The following RSRC1 variants were observed in gnomAD, a reference collection of about 807,000 sequenced individuals.
RSRC1 encodes arginine and serine rich coiled-coil 1.
In RSRC1, 39 loss-of-function variants were observed where a neutral mutation model predicts 49.1. That is an observed-to-expected ratio of 0.79 (90% CI 0.61 to 1.04). RSRC1 has a LOEUF of 1.04. Ranked by LOEUF, RSRC1 falls within the 50% of genes least tolerant of loss-of-function variation. The probability of loss-of-function intolerance (pLI) is 0.00; values close to 1 mark genes in which losing one functional copy is unlikely to be tolerated. For missense variants in RSRC1, 388 were observed against 402.4 expected, an observed-to-expected ratio of 0.96 and a Z score of 0.31; for synonymous variants, 143 against 130.8, an observed-to-expected ratio of 1.09 and a Z score of -0.63.
intron 3 of RSRC1, among the ~76,000 whole-genome samples, chr3:158,190,557 G>GT (rs920011660): frequency 2.7e-5 from 4 of 147,404 alleles, no homozygotes; most frequent in South Asian, 2.1e-4. Context: ...AAATAAATTG[G>GT]TTTTTTTTCC....
intron 6 of RSRC1, among the ~76,000 whole-genome samples, chr3:158,358,325 T>C (rs574336283): frequency 6.6e-6 from 1 of 152,328 alleles, no homozygotes; most frequent in East Asian, 1.9e-4. Context: ...GTAATTTTTT[T>C]GTATTTATCC....
chr3:158,224,899 G>A (rs906680849), intron 4 of RSRC1, among the ~76,000 whole-genome samples: 1 of 151,754 alleles, frequency 6.6e-6, no homozygotes, highest in African/African-American at 2.4e-5. Flanking sequence ...AAGAACAAAG[G>A]ATATTTTCTA....
intron 5 of RSRC1, among the ~76,000 whole-genome samples, chr3:158,348,089 C>G (rs1391193763): frequency 6.6e-6 from 1 of 152,088 alleles, no homozygotes. Context: ...CATTGCACAT[C>G]TAATTTTGTT....
intron 4 of RSRC1, among the ~76,000 whole-genome samples, chr3:158,203,870 G>A (rs1379064953): frequency 2.0e-5 from 3 of 152,130 alleles, no homozygotes; most frequent in African/African-American, 7.2e-5. Context: ...GACAGAACTT[G>A]AAATCCACTC....
chr3:158,427,630 A>G (rs1172758069), intron 6 of RSRC1, among the ~76,000 whole-genome samples: 1 of 151,850 alleles, frequency 6.6e-6, no homozygotes, highest in African/African-American at 2.4e-5. Context: ...ACCAAATTAT[A>G]TATGGAAATT....
intron 3 of RSRC1, among the ~76,000 whole-genome samples, chr3:158,147,102 CTTTTTTTTTTTTTTT>C (rs35460810): frequency 8.6e-5 from 3 of 34,732 alleles, no homozygotes; most frequent in African/African-American, 3.0e-4. Flanking sequence ...GCTTTTCTGC[CTTTTTTTTTTTTTTT>C]TTTTTTTTTT....
intron 6 of RSRC1, among the ~76,000 whole-genome samples, chr3:158,388,414 A>G (rs1733077693): frequency 6.6e-6 from 1 of 152,068 alleles, no homozygotes; most frequent in Admixed American, 6.5e-5. Flanking sequence ...TGATTCCCAT[A>G]TACTCTTATG....
intron 7 of RSRC1, among the ~76,000 whole-genome samples, chr3:158,526,467 A>G (rs1712032906): frequency 2.6e-5 from 4 of 152,008 alleles, no homozygotes. Flanking sequence ...ACTTGCAAAC[A>G]CAACAAATCC....
At chr3:158,251,395 G>T (rs1334746032) in intron 4 of RSRC1, among the ~76,000 whole-genome samples, 2 of 152,004 alleles carry the variant, frequency 1.3e-5, no homozygotes, top group Admixed American at 1.3e-4. Context: ...TAAATCTGTA[G>T]ATTGCTTTGG....
At chr3:158,461,717 A>G (rs773480852) in intron 7 of RSRC1, among the ~76,000 whole-genome samples, 30 of 151,816 alleles carry the variant, frequency 2.0e-4, no homozygotes, top group Non-Finnish European at 3.4e-4. Flanking sequence ...AATGGCAATC[A>G]TGTCACTTTA....
At chr3:158,260,490 A>T (rs1205236441) in intron 4 of RSRC1, among the ~76,000 whole-genome samples, 1 of 152,068 alleles carries the variant, frequency 6.6e-6, no homozygotes, top group Non-Finnish European at 1.5e-5. Context: ...AGAAAGAAGG[A>T]ATCTCTTCCA....
chr3:158,225,326 T>A (rs1722470809), intron 4 of RSRC1, among the ~76,000 whole-genome samples: 1 of 151,880 alleles, frequency 6.6e-6, no homozygotes, highest in Non-Finnish European at 1.5e-5. Flanking sequence ...ATTTAGAGAT[T>A]TTGTATCTCC....
chr3:158,442,875 G>A (rs1055236656), intron 6 of RSRC1, among the ~76,000 whole-genome samples: 3 of 152,078 alleles, frequency 2.0e-5, no homozygotes, highest in Non-Finnish European at 2.9e-5. Flanking sequence ...CAAAATGAAT[G>A]TTCTGTTAGC....
chr3:158,247,765 T>C (rs1339123472), intron 4 of RSRC1, among the ~76,000 whole-genome samples: 1 of 152,144 alleles, frequency 6.6e-6, no homozygotes, highest in Admixed American at 6.5e-5. Flanking sequence ...TGCCCCTTCC[T>C]CTAGACCCTC....
intron 3 of RSRC1, among the ~76,000 whole-genome samples, chr3:158,124,816 CTTTCT>C (rs1469622741): frequency 8.8e-5 from 11 of 124,720 alleles, no homozygotes; most frequent in African/African-American, 1.3e-4. Context: ...CTTTTTCTTT[CTTTCT>C]TTTTTTTTTT....
At chr3:158,194,056 C>T (rs1239246842) in intron 3 of RSRC1, among the ~76,000 whole-genome samples, 1 of 3,982 alleles carries the variant, frequency 2.5e-4, no homozygotes, top group African/African-American at 4.7e-4. Flanking sequence ...CCCGTCTATA[C>T]ACACACACAC....
chr3:158,384,712 G>A (rs1424298774), intron 6 of RSRC1, among the ~76,000 whole-genome samples: 1 of 152,126 alleles, frequency 6.6e-6, no homozygotes, highest in Admixed American at 6.5e-5. Flanking sequence ...TGTAGCCACT[G>A]TCAAACTACA....
chr3:158,466,836 A>G (rs1737912040), intron 7 of RSRC1, among the ~76,000 whole-genome samples: 1 of 152,172 alleles, frequency 6.6e-6, no homozygotes, highest in South Asian at 2.1e-4. Flanking sequence ...CCAAGGAAGG[A>G]GGGTTGCTTG....
intron 6 of RSRC1, among the ~76,000 whole-genome samples, chr3:158,382,701 C>T (rs1732766131): frequency 6.6e-6 from 1 of 152,120 alleles, no homozygotes; most frequent in South Asian, 2.1e-4. Flanking sequence ...ATTTGAATGT[C>T]ACTCTGACCT....
Sources: allele counts gnomAD v4.1 joint callset (sites outside exome capture counted in the v4.1 genomes callset), GRCh38; gene constraint gnomAD v4.1.1; transcripts MANE v1.5; gene names NCBI Gene and HGNC (gene_info 2026-07-23, HGNC 2026-07-21).